Variants in LPIN3 observed in about 807,000 individuals in gnomAD.
LPIN3 encodes phosphatidate phosphatase LPIN3.
Under a neutral mutation model 94.7 loss-of-function variants are expected in LPIN3, and 82 were observed. The observed-to-expected ratio is 0.87, with a 90% confidence interval of 0.72 to 1.04. LPIN3 has a LOEUF of 1.04. Among genes scored for constraint, LPIN3 ranks in the 50% least tolerant of loss-of-function variants. The pLI is 0.00. For missense variants in LPIN3, 996 were observed against 1,090.5 expected, an observed-to-expected ratio of 0.91 and a Z score of 1.22; for synonymous variants, 418 against 443.3, an observed-to-expected ratio of 0.94 and a Z score of 0.72.
Position 41,352,656 on chromosome 20 carries a change from G to A in LPIN3, c.1414G>A (p.Gly472Arg), listed in dbSNP as rs766757455. 1.4e-5 allele frequency: 22 copies of A among 1,614,020 alleles called. No homozygotes were observed. The highest frequency in any genetic ancestry group is 6.7e-5 in the African/African-American group (5 of 74,900). ...TTACCAGGACCTCACCAAAAACCCCGGACTTTTGGATGACCCAAACCTAGT... is the reference window on the plus strand; with the variant it reads ...TTACCAGGACCTCACCAAAAACCCCAGACTTTTGGATGACCCAAACCTAGT... ...VSYQDLTKNP[G>R]LLDDPNLVVK... The change falls in exon 10 of 20, where the codon GGA (glycine) becomes AGA (arginine). Residue 472 changes from glycine (G) to arginine (R), a missense_variant. By Grantham distance (125) the Gly-to-Arg change is moderately radical (BLOSUM62 -2). Transcript: ENST00000373257.
At position 41,358,233 on chromosome 20, in the gene LPIN3, CCA is replaced by C. The variant is rs1310323594; in HGVS notation, c.2193-3_2193-2del. 1.2e-6 allele frequency: 2 copies of C among 1,613,016 alleles called. No individual in the cohort carries two copies. The highest frequency in any genetic ancestry group is 1.7e-6 in the Non-Finnish European group (2 of 1,179,598). The stretch of plus-strand genomic sequence containing the variant: ...CTTCCCTGCTGTGGTTCTGGCCACC[CCA>C]GAGAGGTGATCGAGAAGAAACCAGA... On this transcript the variant is annotated splice_acceptor_variant and splice_polypyrimidine_tract_variant and intron_variant, in intron 17 of 19. Transcript: ENST00000373257. LOFTEE classifies it high-confidence loss of function.
intron 11 of LPIN3, among the ~76,000 whole-genome samples, chr20:41,353,325 C>G (rs1243430292): frequency 6.6e-6 from 1 of 152,240 alleles, no homozygotes; most frequent in Non-Finnish European, 1.5e-5. Context: ...TGAGTACCTA[C>G]TATGTCCCAG....
Position 41,359,146 on chromosome 20 carries a change from TTTC to T in LPIN3, c.*281_*283del. Reference sequence around the variant, plus strand: ...TTCTTTTTTTTTTTTTTTTTTTTTTTTTCCTGAGACAGGGTCTTGTTCTGTTGC... The same window carrying T: ...TTCTTTTTTTTTTTTTTTTTTTTTTTCTGAGACAGGGTCTTGTTCTGTTGC... On this transcript the variant is annotated 3_prime_UTR_variant, in exon 20 of 20. Transcript: ENST00000373257. 1 of 260,008 alleles carries T rather than the reference TTTC, an allele frequency of 3.8e-6. No homozygotes were observed. Among genetic ancestry groups the T allele is most frequent in the South Asian group, 1.1e-4 (1 of 8,740 alleles). The allele number at this position is 260,008 out of a possible 1,614,324, so 16.1% of individuals were successfully genotyped here.
chr20:41,356,977 G>T, intron 14 of LPIN3, 63 bp from the exon 15 acceptor site: 1 of 1,581,188 alleles, frequency 6.3e-7, no homozygotes. Context: ...ACGGCGTAAG[G>T]GGAGAGGTAG....
At position 41,345,824 on chromosome 20, in the gene LPIN3, G is replaced by A; in HGVS notation, c.21G>A (p.Leu7=). The part of the protein sequence containing the change: MNYVGQ[L]AETVFGTVKE... ...CAGCCATGAACTACGTGGGGCAGCT[G>A]GCGGAGACGGTGTTTGGGACGGTGA... The change falls in exon 2 of 20, where the codon CTG becomes CTA. Residue 7 remains leucine, a synonymous_variant. Transcript: ENST00000373257. 1.2e-6 allele frequency: 2 copies of A among 1,613,404 alleles called. No individual in the cohort carries two copies. The highest frequency in any genetic ancestry group is 2.2e-5 in the South Asian group (2 of 91,030).
Position 41,357,886 on chromosome 20 carries a change from G to A in LPIN3, c.2044G>A (p.Gly682Arg), listed in dbSNP as rs748997687. The change falls in exon 17 of 20, where the codon GGG becomes AGG. Residue 682 changes from glycine (G) to arginine (R), a missense_variant. By Grantham distance (125) the Gly-to-Arg change is moderately radical. Transcript: ENST00000373257. ...CACCCTGTCCCCCACTCTCAGAAAT[G>A]GGTACAAGTTCCTGTACTGCTCGGC... ...TSLYHKIQLN[G>R]YKFLYCSARA... The A allele has an allele frequency of 1.6e-5, 26 of 1,613,944 alleles. No individual in the cohort carries two copies. The highest frequency in any genetic ancestry group is 2.2e-5 in the Non-Finnish European group (26 of 1,179,986).
Position 41,356,043 on chromosome 20 carries a change from G to T in LPIN3, c.1803+9G>T, listed in dbSNP as rs1462173551. 6.2e-7 allele frequency: 1 copy of T among 1,612,380 alleles called. No individual in the cohort carries two copies. The highest frequency in any genetic ancestry group is 1.7e-5 in the Admixed American group (1 of 59,956). On this transcript the variant is annotated intron_variant, in intron 14 of 19. Coordinates refer to ENST00000373257, the MANE Select transcript of LPIN3 (RefSeq NM_022896.3). ...TCTCCTCCGATCAGATCGTAAGTGT[G>T]GGTTGTCTGTGTGGAGGTTGGGGAG...
Position 41,359,123 on chromosome 20 carries a change from CTTTTTTTTTTTTT to C in LPIN3, c.*270_*282del, listed in dbSNP as rs75257468. The C allele has an allele frequency of 1.3e-5, 1 of 76,172 alleles. No individual in the cohort carries two copies. Among genetic ancestry groups the C allele is most frequent in the East Asian group, 4.7e-4 (1 of 2,116 alleles). The allele number at this position is 76,172 out of a possible 1,614,324, so 4.7% of individuals were successfully genotyped here. On this transcript the variant is annotated 3_prime_UTR_variant, in exon 20 of 20. Transcript: ENST00000373257. ...TTGTCATCTGGGCCCTTGCAGGGTT[CTTTTTTTTTTTTT>C]TTTTTTTTTTTTCCTGAGACAGGGT...
intron 13 of LPIN3, among the ~76,000 whole-genome samples, chr20:41,355,398 C>T (rs1055088643): frequency 6.6e-6 from 1 of 152,184 alleles, no homozygotes; most frequent in Non-Finnish European, 1.5e-5. Flanking sequence ...GGCCAACAAC[C>T]AGGAAATGGC....
chr20:41,356,971 C>T (rs150651050), intron 14 of LPIN3, 69 bp from the exon 15 acceptor site: 759 of 1,567,872 alleles, frequency 4.8e-4, no homozygotes, highest in Non-Finnish European at 5.8e-4. Context: ...GAGGCCACGG[C>T]GTAAGGGGAG....
chr20:41,357,808 G>A (rs6102371), intron 16 of LPIN3, 74 bp from the exon 17 acceptor site: 2 of 1,590,920 alleles, frequency 1.3e-6, no homozygotes, highest in Non-Finnish European at 1.7e-6. Flanking sequence ...GGGCTGGGCA[G>A]GCTAAAGCCA....
intron 2 of LPIN3, 93 bp from the exon 3 acceptor site, chr20:41,347,459 C>A: frequency 1.7e-6 from 2 of 1,168,356 alleles, no homozygotes; most frequent in Admixed American, 1.8e-5. Flanking sequence ...GTGTTTGGGG[C>A]GGCAAGGAGC....
At chr20:41,341,793 CGG>C (rs2045589335) in intron 1 of LPIN3, among the ~76,000 whole-genome samples, 1 of 152,110 alleles carries the variant, frequency 6.6e-6, no homozygotes, top group African/African-American at 2.4e-5. Context: ...CATCCTAACA[CGG>C]TGAAACCCCG....
intron 1 of LPIN3, among the ~76,000 whole-genome samples, chr20:41,341,954 G>T (rs1378001911): frequency 6.6e-6 from 1 of 152,162 alleles, no homozygotes; most frequent in East Asian, 1.9e-4. Context: ...TCCAGTCTGG[G>T]TGACAGGGCA....
intron 19 of LPIN3, 40 bp from the exon 20 acceptor site, chr20:41,358,682 T>G: frequency 6.2e-7 from 1 of 1,609,074 alleles, no homozygotes; most frequent in African/African-American, 1.3e-5. Flanking sequence ...CATCGTTTGG[T>G]GGCAGCTCAG....
In LPIN3 at chr20:41,352,699, A is replaced by G. The variant is rs756787191; in HGVS notation, c.1457A>G (p.Lys486Arg). 1 of 1,614,094 alleles carries G rather than the reference A, an allele frequency of 6.2e-7. No individual in the cohort carries two copies. Among genetic ancestry groups the G allele is most frequent in the Non-Finnish European group, 8.5e-7 (1 of 1,179,942 alleles). ...DPNLVVKING[K>R]HYNWAVAAPM... is the part of the protein sequence containing the mutation. ...AACCTAGTGGTGAAAATCAATGGAA[A>G]GTAAGTCCCAGAGCTGGGGCTGCTG... The change falls in exon 10 of 20, where the codon AAG becomes AGG. Residue 486 changes from lysine to arginine, a missense_variant and splice_region_variant. Transcript: ENST00000373257.
rs1195832836 is a variant in LPIN3, at chr20:41,348,844, A to G, written c.514A>G (p.Ser172Gly). 1 of 1,608,872 alleles carries G rather than the reference A, an allele frequency of 6.2e-7. No individual in the cohort carries two copies. Among genetic ancestry groups the G allele is most frequent in the Non-Finnish European group, 8.5e-7 (1 of 1,177,666 alleles). ...SPEELEAGAE[S>G]ELSLPEKLRP... ...AGAGGAACTGGAGGCAGGCGCTGAG[A>G]GTGAGCTATCCCTGCCGGAAAAGCT... is the stretch of plus-strand genomic sequence containing the variant. Residue 172 changes from serine to glycine, a missense_variant, in exon 4 of 20, where the codon AGT (serine) becomes GGT (glycine). Ser to Gly is a moderately conservative substitution (Grantham distance 56). Transcript: ENST00000373257.
intron 7 of LPIN3, 116 bp downstream of exon 7, chr20:41,350,513 C>A: frequency 1.3e-6 from 1 of 796,156 alleles, no homozygotes; most frequent in Non-Finnish European, 2.0e-6. Flanking sequence ...CTGTTCTTGG[C>A]ACCAGCCTCA....
intron 13 of LPIN3, 84 bp from the exon 14 acceptor site, chr20:41,355,812 C>T: frequency 6.5e-7 from 1 of 1,544,626 alleles, no homozygotes; most frequent in Non-Finnish European, 8.8e-7. Context: ...ATGGCGGGGA[C>T]AGGTCCAGCC....
Sources: gnomAD v4.1 joint callset for allele counts (sites outside exome capture counted in the v4.1 genomes callset) on GRCh38, gnomAD v4.1.1 for gene constraint, MANE v1.5 for transcripts, NCBI Gene and HGNC (gene_info 2026-07-23, HGNC 2026-07-21) for gene names.